The following RYR2 variants were observed in gnomAD, a reference collection of about 807,000 sequenced individuals.
The protein encoded by RYR2 is ryanodine receptor 2.
In RYR2, 227 loss-of-function variants were observed where a neutral mutation model predicts 601.1. The ratio of observed to expected loss-of-function variants is 0.38; its 90% CI spans 0.34 to 0.42. The LOEUF is 0.42. RYR2 is among the 10% of genes least tolerant of loss of function. The pLI, the probability that RYR2 is intolerant of heterozygous loss-of-function variation, is 1.00. For synonymous variants in RYR2, 2,223 were observed against 2,175.1 expected, an observed-to-expected ratio of 1.02 and a Z score of -0.61; for missense variants, 4,646 against 6,156.5, an observed-to-expected ratio of 0.75 and a Z score of 8.21.
At chr1:237,122,824 C>A (rs1304470389) in intron 1 of RYR2, among the ~76,000 whole-genome samples, 1 of 150,546 alleles carries the variant, frequency 6.6e-6, no homozygotes, top group African/African-American at 2.4e-5. Context: ...CACACTTAAG[C>A]TATTTGTAAA....
intron 2 of RYR2, among the ~76,000 whole-genome samples, chr1:237,312,646 T>C (rs975929213): frequency 6.6e-6 from 1 of 152,228 alleles, no homozygotes. Flanking sequence ...ACACATCATG[T>C]ATAAAATCTG....
chr1:237,346,367 C>CAAAAAGAAAAAAAAAAAAAAAAAA (rs1698312239), intron 3 of RYR2, among the ~76,000 whole-genome samples: 1 of 62,352 alleles, frequency 1.6e-5, no homozygotes, highest in Non-Finnish European at 3.4e-5. Flanking sequence ...GGGTCTACCT[C>CAAAAAGAAAAAAAAAAAAAAAAAA]AAAAAAAAAA....
intron 1 of RYR2, among the ~76,000 whole-genome samples, chr1:237,109,768 C>T (rs931442572): frequency 6.6e-6 from 1 of 151,176 alleles, no homozygotes; most frequent in East Asian, 1.9e-4. Flanking sequence ...GTAGGGGAAA[C>T]GGAAATTTAC....
chr1:237,709,514 G>A lies in RYR2; in HGVS notation c.10177G>A (p.Glu3393Lys). 6.2e-7 allele frequency: 1 copy of A among 1,612,462 alleles called. No homozygotes were observed. ...KWLKEPNPEAEELFRMVAEVF... is the reference protein window; with the variant it reads ...KWLKEPNPEAKELFRMVAEVF... The stretch of plus-strand genomic sequence containing the variant: ...GCTAAAGGAGCCTAACCCAGAAGCA[G>A]AGGAGCTCTTCCGCATGGTGGCTGA... Residue 3393 changes from glutamate to lysine, a missense_variant, in exon 70 of 105, where the codon GAG becomes AAG. By Grantham distance (56) the Glu-to-Lys change is moderately conservative. Around this residue, in one of 17 missense-constraint regions of RYR2, gnomAD observed 1,497 missense variants for 1,842.6 expected, o/e 0.81. Coordinates refer to ENST00000366574, the MANE Select transcript of RYR2 (RefSeq NM_001035.3).
chr1:237,436,083 C>T (rs1225206287), intron 12 of RYR2, among the ~76,000 whole-genome samples: 1 of 152,140 alleles, frequency 6.6e-6, no homozygotes, highest in Non-Finnish European at 1.5e-5. Context: ...AGCCTGAACC[C>T]TTTGAAAGAG....
intron 38 of RYR2, 29 bp downstream of exon 38, chr1:237,617,515 A>G: frequency 6.2e-7 from 1 of 1,602,104 alleles, no homozygotes; most frequent in Non-Finnish European, 8.5e-7. Flanking sequence ...AATTCTTCGT[A>G]TTTATGTTGG....
At chr1:237,698,105 AGTGTGT>A (rs3999833) in intron 63 of RYR2, among the ~76,000 whole-genome samples, 52,059 of 139,930 alleles carry the variant, frequency 0.37, 9,771 homozygotes, top group Middle Eastern at 0.51. Flanking sequence ...AGGAGATGAT[AGTGTGT>A]GTGTGTGTGT....
intron 1 of RYR2, among the ~76,000 whole-genome samples, chr1:237,096,456 G>A (rs1396103167): frequency 2.0e-5 from 3 of 152,118 alleles, no homozygotes; most frequent in Non-Finnish European, 4.4e-5. Flanking sequence ...AATAGGTGGC[G>A]GATAACAAGA....
intron 60 of RYR2, among the ~76,000 whole-genome samples, chr1:237,675,287 C>T (rs13374681): frequency 0.043 from 6,499 of 152,146 alleles, 448 homozygotes; most frequent in African/African-American, 0.15. Flanking sequence ...AACTGCTGTG[C>T]AGAATACTTT....
chr1:237,330,185 A>T (rs1457875624), intron 2 of RYR2, among the ~76,000 whole-genome samples: 1 of 152,150 alleles, frequency 6.6e-6, no homozygotes, highest in Non-Finnish European at 1.5e-5. Flanking sequence ...AAATTTTATA[A>T]CTCTGTGACT....
intron 12 of RYR2, among the ~76,000 whole-genome samples, chr1:237,435,687 G>C (rs986357334): frequency 6.6e-6 from 1 of 152,126 alleles, no homozygotes; most frequent in African/African-American, 2.4e-5. Context: ...TGATAGTTTA[G>C]TTTTATTTAA....
chr1:237,671,250 T>C (rs1684900801), intron 58 of RYR2, among the ~76,000 whole-genome samples: 1 of 152,176 alleles, frequency 6.6e-6, no homozygotes. Flanking sequence ...TCCTGGCTTT[T>C]AGGTTATTGA....
At chr1:237,659,551 G>A (rs562117847) in intron 54 of RYR2, among the ~76,000 whole-genome samples, 14 of 152,302 alleles carry the variant, frequency 9.2e-5, no homozygotes, top group African/African-American at 3.1e-4. Flanking sequence ...TAAAATGCAT[G>A]TTTTGTATTT....
chr1:237,651,217 A>G (rs1358023470), intron 50 of RYR2, among the ~76,000 whole-genome samples, 194 bp from the exon 51 acceptor site: 1 of 152,230 alleles, frequency 6.6e-6, no homozygotes, highest in Non-Finnish European at 1.5e-5. Flanking sequence ...GGGGATAGAG[A>G]TAAGTTGGGA....
intron 1 of RYR2, among the ~76,000 whole-genome samples, chr1:237,146,665 C>A (rs571908804): frequency 2.0e-5 from 3 of 152,152 alleles, no homozygotes; most frequent in Non-Finnish European, 4.4e-5. Flanking sequence ...TTGCTCCTAG[C>A]TCCACTGAGA....
chr1:237,709,629 C>A, intron 70 of RYR2, 62 bp downstream of exon 70: 1 of 997,016 alleles, frequency 1.0e-6, no homozygotes, highest in East Asian at 2.5e-5. Context: ...TACTTGCCTC[C>A]TAGGTTTCAT....
intron 1 of RYR2, among the ~76,000 whole-genome samples, chr1:237,252,610 TTA>T (rs2149278205): frequency 6.6e-6 from 1 of 152,354 alleles, no homozygotes; most frequent in African/African-American, 2.4e-5. Context: ...AATTTAATTT[TTA>T]CAAAAATAGA....
At chr1:237,459,294 A>G (rs549528134) in intron 16 of RYR2, among the ~76,000 whole-genome samples, 3 of 152,176 alleles carry the variant, frequency 2.0e-5, no homozygotes, top group Non-Finnish European at 4.4e-5. Context: ...CTAAATAATA[A>G]TAAAAACTGG....
intron 1 of RYR2, among the ~76,000 whole-genome samples, chr1:237,158,867 A>T (rs186405380): frequency 3.6e-4 from 55 of 152,350 alleles, no homozygotes; most frequent in African/African-American, 1.3e-3. Flanking sequence ...TTTATGCAAA[A>T]TGCTGCATGG....
Sources: allele counts gnomAD v4.1 joint callset (sites outside exome capture counted in the v4.1 genomes callset), GRCh38; gene constraint gnomAD v4.1.1; regional missense constraint gnomAD v4.1.1; transcripts MANE v1.5; gene names NCBI Gene and HGNC (gene_info 2026-07-23, HGNC 2026-07-21).